The following PLB1 variants were observed in gnomAD, a reference collection of about 807,000 sequenced individuals.
The protein encoded by PLB1 is phospholipase B1, membrane-associated.
Under a neutral mutation model 227.4 loss-of-function variants are expected in PLB1, and 242 were observed. The observed-to-expected ratio is 1.06, with a 90% CI of 0.96 to 1.18. The LOEUF is 1.18. Ranked by LOEUF, PLB1 falls within the 50% of genes most tolerant of loss-of-function variation. PLB1 has a pLI of 0.00. For synonymous variants in PLB1, 757 were observed against 682.2 expected, an observed-to-expected ratio of 1.11 and a Z score of -1.71; for missense variants, 1,858 against 1,816.3, an observed-to-expected ratio of 1.02 and a Z score of -0.42.
At position 28,582,507 on chromosome 2, in the gene PLB1, TCAGA is replaced by T. The variant is rs1680200166; in HGVS notation, c.1733+7_1733+10del. On this transcript the variant is annotated splice_donor_5th_base_variant and intron_variant, in intron 25 of 57. Transcript: ENST00000327757. The stretch of plus-strand genomic sequence containing the variant: ...CTACTGCCCAAGGATGATCCTCAGG[TCAGA>T]CAGATACTTCTCCCCGATTCTACTA... 1.3e-6 allele frequency: 2 copies of T among 1,594,970 alleles called. No homozygotes were observed. The highest frequency in any genetic ancestry group is 2.7e-5 in the African/African-American group (2 of 74,372).
rs1572793136 is a variant in PLB1 at position 28,531,973 on chromosome 2, C to A, written c.469-135C>A. The A allele has an allele frequency of 9.0e-6, 6 of 668,660 alleles. No individual in the cohort carries two copies. The East Asian group carries it at 1.6e-4, about 18-fold the overall frequency. 41.4% of individuals were successfully genotyped at this position (668,660 alleles called of 1,614,324 possible). ...TACCACTTTAAACTCCTGCCATATA[C>A]TACTATTGAAAAAAATTCATACATG... On this transcript the variant is annotated intron_variant, in intron 8 of 57. Coordinates refer to ENST00000327757, the MANE Select transcript of PLB1 (RefSeq NM_153021.5).
At chr2:28,564,083 G>A (rs1676467161) in intron 18 of PLB1, among the ~76,000 whole-genome samples, 1 of 151,852 alleles carries the variant, frequency 6.6e-6, no homozygotes, top group African/African-American at 2.4e-5. Context: ...CTACAAAAAA[G>A]AAAAGAAAAA....
rs557815566 is a variant in PLB1, at chr2:28,534,819, A to T, written c.555+2625A>T. Among the ~76,000 whole-genome samples, 3 of 152,168 alleles carry T rather than the reference A, an allele frequency of 2.0e-5. No individual in the cohort carries two copies. The East Asian group carries it at 5.8e-4, about 29-fold the overall frequency. On this transcript the variant is annotated intron_variant, in intron 9 of 57. Transcript: ENST00000327757. Reference sequence around the variant, plus strand: ...CAGTGAGCCAAGATCGCACTACTGCACTCCAGCCTGGGTGACAGAGAGAGA... The same window carrying T: ...CAGTGAGCCAAGATCGCACTACTGCTCTCCAGCCTGGGTGACAGAGAGAGA...
At chr2:28,500,408 A>G (rs1233930117) in intron 1 of PLB1, among the ~76,000 whole-genome samples, 1 of 152,138 alleles carries the variant, frequency 6.6e-6, no homozygotes, top group Non-Finnish European at 1.5e-5. Flanking sequence ...TGGTTTATAA[A>G]TTATCCATAG....
intron 56 of PLB1, among the ~76,000 whole-genome samples, chr2:28,640,666 C>G (rs1278800305): frequency 6.6e-6 from 1 of 152,310 alleles, no homozygotes; most frequent in African/African-American, 2.4e-5. Flanking sequence ...CTGGGCCTTG[C>G]TGTACCCGGC....
intron 49 of PLB1, 107 bp downstream of exon 49, chr2:28,621,085 A>G (rs1686991898): frequency 3.4e-6 from 3 of 873,278 alleles, no homozygotes; most frequent in South Asian, 3.2e-5. Flanking sequence ...CCCAGGGGCA[A>G]TAGCAGCTGT....
intron 1 of PLB1, among the ~76,000 whole-genome samples, chr2:28,515,212 C>A (rs779237053): frequency 1.1e-4 from 17 of 152,144 alleles, no homozygotes; most frequent in African/African-American, 1.9e-4. Flanking sequence ...CCTGCTAACT[C>A]CTCTATTCCA....
intron 35 of PLB1, among the ~76,000 whole-genome samples, chr2:28,599,560 C>G (rs1253707123): frequency 1.3e-5 from 2 of 152,272 alleles, no homozygotes; most frequent in East Asian, 3.9e-4. Context: ...ATAACGGGGC[C>G]CTGAACAAGT....
chr2:28,516,750 A>G lies in PLB1; in HGVS notation c.56-58A>G, dbSNP rs575615931. ...TAGGAGGAAGGGCATGAAAGCTACA[A>G]ATTTGGGTGGGAGTTAATTCCAGCT... is the stretch of plus-strand genomic sequence containing the variant. On this transcript the variant is annotated intron_variant, in intron 1 of 57. Coordinates refer to ENST00000327757, the MANE Select transcript of PLB1 (RefSeq NM_153021.5). The G allele has an allele frequency of 1.7e-5, 26 of 1,513,236 alleles. No homozygotes were observed. In the African/African-American group the frequency reaches 1.9e-4, roughly 11 times the overall value. The allele number at this position is 1,513,236 out of a possible 1,614,324, so 93.7% of individuals were successfully genotyped here. A position where few individuals can be genotyped will look rare whatever the true frequency, so the allele number is the denominator to read the frequency against.
chr2:28,618,300 C>A (rs1322221687), intron 45 of PLB1, 41 bp from the exon 46 acceptor site: 3 of 1,573,412 alleles, frequency 1.9e-6, no homozygotes, highest in African/African-American at 2.7e-5. Context: ...GAGGTAGATA[C>A]CCCCAGCCCC....
intron 51 of PLB1, 25 bp from the exon 52 acceptor site, chr2:28,628,538 A>G: frequency 6.2e-7 from 1 of 1,612,414 alleles, no homozygotes. Flanking sequence ...CAGGGGCTAA[A>G]GAGAGTACCC....
At chr2:28,537,812 C>T (rs1225754350) in intron 9 of PLB1, among the ~76,000 whole-genome samples, 1 of 152,020 alleles carries the variant, frequency 6.6e-6, no homozygotes, top group African/African-American at 2.4e-5. Context: ...CACTCATACT[C>T]TTTCTCTAGG....
rs1160768676 is a variant in PLB1 at position 28,589,459 on chromosome 2, C to T, written c.1825C>T (p.His609Tyr). 29 of 1,614,002 alleles carry T rather than the reference C, an allele frequency of 1.8e-5. No individual in the cohort carries two copies. The highest frequency in any genetic ancestry group is 2.5e-5 in the Non-Finnish European group (29 of 1,179,992). Residue 609 changes from histidine to tyrosine, a missense_variant, in exon 27 of 58, where the codon CAC becomes TAC. Transcript: ENST00000327757. Reference protein sequence around the residue: ...EFNKKFQEKTHQLIESGRYDT... With the variant: ...EFNKKFQEKTYQLIESGRYDT... ...CCTTTTCCTCCTGCAGGAGAAGACC[C>T]ACCAACTGATTGAGAGTGGGCGATA...
chr2:28,605,530 C>T (rs1012704325), intron 41 of PLB1, among the ~76,000 whole-genome samples: 9 of 152,008 alleles, frequency 5.9e-5, no homozygotes, highest in African/African-American at 1.9e-4. Flanking sequence ...AGACTCTCTG[C>T]GGGACCAGGA....
At chr2:28,581,498 TAAATAAATA>T (rs1679979202) in intron 23 of PLB1, among the ~76,000 whole-genome samples, 1 of 71,066 alleles carries the variant, frequency 1.4e-5, no homozygotes, top group Non-Finnish European at 2.8e-5. Context: ...AATAAATAAA[TAAATAAATA>T]AATAAATAAA....
At chr2:28,619,164 T>C (rs921340802) in intron 46 of PLB1, among the ~76,000 whole-genome samples, 5 of 152,192 alleles carry the variant, frequency 3.3e-5, no homozygotes, top group African/African-American at 4.8e-5. Context: ...CTGGTACCTA[T>C]GAGTTATGTT....
intron 1 of PLB1, among the ~76,000 whole-genome samples, chr2:28,499,854 C>T (rs1666886686): frequency 6.6e-6 from 1 of 152,094 alleles, no homozygotes; most frequent in African/African-American, 2.4e-5. Flanking sequence ...CACCGTACTC[C>T]AGCCTGAGTG....
intron 8 of PLB1, among the ~76,000 whole-genome samples, chr2:28,531,822 G>A (rs1311220863): frequency 6.6e-6 from 1 of 151,776 alleles, no homozygotes; most frequent in South Asian, 2.1e-4. Flanking sequence ...AATCATTCAC[G>A]TATCCTTGTT....
chr2:28,630,431 G>A (rs1181591616), intron 53 of PLB1, among the ~76,000 whole-genome samples, 155 bp from the exon 54 acceptor site: 1 of 152,176 alleles, frequency 6.6e-6, no homozygotes, highest in Non-Finnish European at 1.5e-5. Flanking sequence ...GGTGTATTGT[G>A]GGGATACTTG....
Sources: gnomAD v4.1 joint callset for allele counts (sites outside exome capture counted in the v4.1 genomes callset) on GRCh38, gnomAD v4.1.1 for gene constraint, MANE v1.5 for transcripts, NCBI Gene and HGNC (gene_info 2026-07-23, HGNC 2026-07-21) for gene names.